The following KIAA0319L variants were observed in gnomAD, a reference collection of about 807,000 sequenced individuals.
KIAA0319L encodes the protein KIAA0319 like.
KIAA0319L carries 55 observed loss-of-function variants against 120.1 expected under a neutral mutation model. The ratio of observed to expected loss-of-function variants is 0.46; its 90% CI spans 0.37 to 0.57. The LOEUF is 0.57. KIAA0319L is among the 20% of genes least tolerant of loss of function. KIAA0319L has a pLI of 0.00. For missense variants in KIAA0319L, 1,049 were observed against 1,255.3 expected (o/e 0.84, Z 2.48); for synonymous variants, 398 against 471.9 (o/e 0.84, Z 2.03).
chr1:35,473,767 A>C (rs975232977), intron 5 of KIAA0319L, among the ~76,000 whole-genome samples: 2 of 152,234 alleles, frequency 1.3e-5, no homozygotes, highest in Non-Finnish European at 2.9e-5. Context: ...CTAGAAATTA[A>C]GAATACTGTA....
chr1:35,542,345 G>A (rs114848764), intron 2 of KIAA0319L, among the ~76,000 whole-genome samples: 2,044 of 152,274 alleles, frequency 0.013, 52 homozygotes, highest in African/African-American at 0.046. Context: ...AACCATGACT[G>A]AGACTTGTCT....
chr1:35,507,386 CT>C, intron 2 of KIAA0319L, among the ~76,000 whole-genome samples: 1 of 152,144 alleles, frequency 6.6e-6, no homozygotes, highest in South Asian at 2.1e-4. Context: ...CCATGGAGAC[CT>C]TTTACACAGA....
chr1:35,509,184 GTAGT>G (rs764034889), intron 2 of KIAA0319L, among the ~76,000 whole-genome samples: 15 of 152,208 alleles, frequency 9.9e-5, no homozygotes, highest in South Asian at 2.1e-4. Context: ...AGGGTGACTG[GTAGT>G]TAGAATGTTT....
chr1:35,466,229 A>G (rs958585762), intron 7 of KIAA0319L, among the ~76,000 whole-genome samples: 2 of 152,208 alleles, frequency 1.3e-5, no homozygotes, highest in Non-Finnish European at 2.9e-5. Context: ...ATCTCTGGAA[A>G]GAGATCAGAA....
At chr1:35,522,682 G>T (rs1320711853) in intron 2 of KIAA0319L, among the ~76,000 whole-genome samples, 4 of 151,802 alleles carry the variant, frequency 2.6e-5, no homozygotes, top group African/African-American at 9.7e-5. Context: ...GACTTCCCAG[G>T]CCTCTTACAA....
intron 2 of KIAA0319L, among the ~76,000 whole-genome samples, chr1:35,520,560 T>C (rs1645870739): frequency 6.6e-6 from 1 of 152,198 alleles, no homozygotes; most frequent in South Asian, 2.1e-4. Flanking sequence ...CACCCAGCTA[T>C]TTTTTTATGT....
intron 2 of KIAA0319L, among the ~76,000 whole-genome samples, chr1:35,545,506 T>C (rs780051955): frequency 3.9e-5 from 6 of 152,204 alleles, no homozygotes; most frequent in Non-Finnish European, 8.8e-5. Context: ...TATGTTTATC[T>C]GAATTGGAAT....
rs567901882 is a variant in KIAA0319L, at chr1:35,437,986, C to A, written c.2963-2905G>T. Among the ~76,000 whole-genome samples the A allele has an allele frequency of 6.6e-6, 1 of 152,192 alleles. No individual in the cohort carries two copies. The highest frequency in any genetic ancestry group is 1.5e-5 in the Non-Finnish European group (1 of 68,024). On this transcript the variant is annotated intron_variant, in intron 20 of 20. Coordinates refer to ENST00000325722, the MANE Select transcript of KIAA0319L (RefSeq NM_024874.5). This position sits in a 1 kb window ranked among gnomAD's most constrained non-coding sequence, Gnocchi z 4.1. ...ACCTAGCTATAACCCACTGACACCA[C>A]GCTGTGTGAATCACTGTCAGCTCCT... is the stretch of plus-strand genomic sequence containing the variant.
At chr1:35,435,355 A>G in intron 20 of KIAA0319L, 1 of 368,214 alleles carries the variant, frequency 2.7e-6, no homozygotes, top group South Asian at 6.6e-5. Context: ...GCTTTGGTTC[A>G]GGCCACTCAG....
At position 35,501,802 on chromosome 1, in the gene KIAA0319L, C is replaced by T. The variant is rs993408309; in HGVS notation, c.666+4810G>A. Among the ~76,000 whole-genome samples, 10 of 149,424 alleles carry T rather than the reference C, an allele frequency of 6.7e-5. No individual in the cohort carries two copies. In the Admixed American group the frequency reaches 6.7e-4, roughly 10 times the overall value. ...CTGAGGCAGACGAATTGCTTGAACC[C>T]GGGAGGTGGAGGTTGCAGTGAGCCA... On this transcript the variant is annotated intron_variant, in intron 3 of 20. Coordinates refer to ENST00000325722, the MANE Select transcript of KIAA0319L (RefSeq NM_024874.5).
intron 2 of KIAA0319L, among the ~76,000 whole-genome samples, chr1:35,550,999 T>C (rs892964956): frequency 6.6e-6 from 1 of 152,248 alleles, no homozygotes; most frequent in Non-Finnish European, 1.5e-5. Context: ...TGTTGATCAG[T>C]GCTCTCATTC....
Position 35,454,441 on chromosome 1 carries a change from T to C in KIAA0319L, c.1701A>G (p.Gly567=), listed in dbSNP as rs1329107037. The change falls in exon 11 of 21, where the codon GGA becomes GGG. Residue 567 remains glycine, a synonymous_variant. Coordinates refer to ENST00000325722, the MANE Select transcript of KIAA0319L (RefSeq NM_024874.5). Reference sequence around the variant, plus strand: ...TCACTGTGAGCTGGTAAGTGTAGTCTCCTTCTTGCATCGCAGAGAGCTGTA... The same window carrying C: ...TCACTGTGAGCTGGTAAGTGTAGTCCCCTTCTTGCATCGCAGAGAGCTGTA... ...PTLQLSAMQE[G]DYTYQLTVTD... 6.2e-7 allele frequency: 1 copy of C among 1,614,092 alleles called. No homozygotes were observed. Among genetic ancestry groups the C allele is most frequent in the South Asian group, 1.1e-5 (1 of 91,076 alleles).
At chr1:35,455,573 A>ATTT (rs551358599) in intron 10 of KIAA0319L, among the ~76,000 whole-genome samples, 243 of 93,432 alleles carry the variant, frequency 2.6e-3, no homozygotes, top group Non-Finnish European at 4.2e-3. Flanking sequence ...ATTTAAGATA[A>ATTT]TTTTTTTTTT....
At chr1:35,511,691 C>A (rs1645451452) in intron 2 of KIAA0319L, among the ~76,000 whole-genome samples, 1 of 152,162 alleles carries the variant, frequency 6.6e-6, no homozygotes, top group African/African-American at 2.4e-5. Context: ...AATAAGTGCA[C>A]CGCTATCTAG....
chr1:35,521,520 G>C (rs1645912510), intron 2 of KIAA0319L, among the ~76,000 whole-genome samples: 1 of 151,636 alleles, frequency 6.6e-6, no homozygotes, highest in African/African-American at 2.4e-5. Flanking sequence ...TGCAGTCCCA[G>C]CTACTCTGGA....
Position 35,479,066 on chromosome 1 carries a change from CT to C in KIAA0319L, c.812del (p.Glu271GlyfsTer36), listed in dbSNP as rs1644031956. The C allele has an allele frequency of 1.9e-6, 3 of 1,614,142 alleles. No homozygotes were observed. The highest frequency in any genetic ancestry group is 2.5e-6 in the Non-Finnish European group (3 of 1,180,022). On this transcript the variant is annotated frameshift_variant, in exon 4 of 21. Transcript: ENST00000325722. LOFTEE classifies it high-confidence loss of function. Reference sequence around the variant, plus strand: ...GCTGGGGGACAGCAATCTGGGTTTTCTCAGAACTTTTTACTTGTTGAGTGCT... The same window carrying C: ...GCTGGGGGACAGCAATCTGGGTTTTCCAGAACTTTTTACTTGTTGAGTGCT... ...TPSTQQVKSS[E>X]KTQIAVPQPV...
intron 2 of KIAA0319L, among the ~76,000 whole-genome samples, chr1:35,512,628 G>C (rs1645498776): frequency 6.6e-6 from 1 of 151,950 alleles, no homozygotes; most frequent in Non-Finnish European, 1.5e-5. Flanking sequence ...CAGCACTTTG[G>C]GAGGCTAAGG....
At chr1:35,462,078 G>A (rs1642935873) in intron 8 of KIAA0319L, among the ~76,000 whole-genome samples, 1 of 152,328 alleles carries the variant, frequency 6.6e-6, no homozygotes, top group East Asian at 1.9e-4. Context: ...TAAGGGCAAA[G>A]ACCCAAAATC....
At chr1:35,547,502 G>A (rs1045127177) in intron 2 of KIAA0319L, among the ~76,000 whole-genome samples, 22 of 152,044 alleles carry the variant, frequency 1.4e-4, no homozygotes, top group African/African-American at 5.3e-4. Flanking sequence ...TCCATCAACT[G>A]ATGAATGGAT....
Sources: gnomAD v4.1 joint callset for allele counts (sites outside exome capture counted in the v4.1 genomes callset) on GRCh38, gnomAD v4.1.1 for gene constraint, Gnocchi (gnomAD v3.1) non-coding constraint, MANE v1.5 for transcripts, NCBI Gene and HGNC (gene_info 2026-07-23, HGNC 2026-07-21) for gene names.